Variants in SNTG1 observed in about 807,000 individuals in gnomAD.
The protein encoded by SNTG1 is syntrophin gamma 1.
Under a neutral mutation model 74.7 loss-of-function variants are expected in SNTG1, and 39 were observed. The ratio of observed to expected loss-of-function variants is 0.52; its 90% CI spans 0.40 to 0.68. SNTG1 has a LOEUF of 0.68. Among genes scored for constraint, SNTG1 ranks in the 30% least tolerant of loss-of-function variants. The pLI, the probability that SNTG1 is intolerant of heterozygous loss-of-function variation, is 0.00. For missense variants in SNTG1, 685 were observed against 609.5 expected (o/e 1.12, Z -1.30); for synonymous variants, 254 against 217.1 (o/e 1.17, Z -1.49).
intron 2 of SNTG1, among the ~76,000 whole-genome samples, chr8:50,218,555 G>GT (rs57611150): frequency 0.023 from 3,492 of 148,878 alleles, 137 homozygotes; most frequent in African/African-American, 0.073. Context: ...TTTTTTCTAT[G>GT]TTTTTTTTTC....
intron 4 of SNTG1, among the ~76,000 whole-genome samples, chr8:50,432,719 A>G (rs1462406234): frequency 6.6e-5 from 10 of 151,878 alleles, no homozygotes; most frequent in Admixed American, 6.6e-4. Context: ...TATAAATCCT[A>G]TTAGTATTAT....
intron 9 of SNTG1, among the ~76,000 whole-genome samples, chr8:50,523,595 T>C (rs772252440): frequency 2.0e-5 from 3 of 152,170 alleles, no homozygotes; most frequent in Non-Finnish European, 4.4e-5. Flanking sequence ...TCAGAACACA[T>C]ACAACATTTA....
intron 2 of SNTG1, among the ~76,000 whole-genome samples, chr8:50,277,552 G>A (rs1052642621): frequency 6.6e-6 from 1 of 152,064 alleles, no homozygotes; most frequent in African/African-American, 2.4e-5. Context: ...CTATTTGGCT[G>A]ATAGTTGTTA....
rs543141443 is a variant in SNTG1 at position 50,104,751 on chromosome 8, T to C, written c.-102-67810T>C. Among the ~76,000 whole-genome samples the C allele has an allele frequency of 2.6e-5, 4 of 152,336 alleles. No individual in the cohort carries two copies. The East Asian group carries it at 7.7e-4, about 29-fold the overall frequency. ...TGCTTTGAATGTGTCCCACAGATTCTGGTATGTTGTGTCTTTGTTCTTGTT... is the reference window on the plus strand; with the variant it reads ...TGCTTTGAATGTGTCCCACAGATTCCGGTATGTTGTGTCTTTGTTCTTGTT... On this transcript the variant is annotated intron_variant, in intron 1 of 18. Transcript: ENST00000642720.
At chr8:49,944,744 T>C (rs1204249327) in intron 1 of SNTG1, among the ~76,000 whole-genome samples, 1 of 151,290 alleles carries the variant, frequency 6.6e-6, no homozygotes, top group Non-Finnish European at 1.5e-5. Context: ...AAAATCCATG[T>C]AACGTCTACT....
intron 12 of SNTG1, among the ~76,000 whole-genome samples, chr8:50,573,088 T>C (rs1554578005): frequency 6.6e-6 from 1 of 152,120 alleles, no homozygotes. Flanking sequence ...AGATCTTTGA[T>C]TAAACTGGCA....
rs372624611 is a variant in SNTG1 at position 49,960,761 on chromosome 8, CA to C, written c.-103+48533del. On this transcript the variant is annotated intron_variant, in intron 1 of 18. Coordinates refer to ENST00000642720, the MANE Select transcript of SNTG1 (RefSeq NM_018967.5). ...CTTGTTCCAACTCTGTGGTGCCACT[CA>C]AAGCCCATGTGACTCTCTGAGTCTG... Among the ~76,000 whole-genome samples the C allele has an allele frequency of 3.5e-4, 54 of 152,214 alleles. 1 individual carries two copies. The East Asian group carries it at 6.0e-3, about 17-fold the overall frequency.
intron 2 of SNTG1, among the ~76,000 whole-genome samples, chr8:50,343,025 A>C (rs2091363927): frequency 6.6e-6 from 1 of 152,212 alleles, no homozygotes; most frequent in Non-Finnish European, 1.5e-5. Context: ...AGGAAACAAA[A>C]TTGGGATCAA....
chr8:50,745,088 G>A (rs2095552240), intron 17 of SNTG1, among the ~76,000 whole-genome samples: 1 of 151,926 alleles, frequency 6.6e-6, no homozygotes, highest in African/African-American at 2.4e-5. Flanking sequence ...GTACATCAAA[G>A]GGTACTACAA....
chr8:50,267,937 G>T (rs1303569213), intron 2 of SNTG1, among the ~76,000 whole-genome samples: 1 of 152,122 alleles, frequency 6.6e-6, no homozygotes, highest in Non-Finnish European at 1.5e-5. Flanking sequence ...GTACTAGAAG[G>T]TAAAGTCACA....
chr8:50,255,027 GA>G (rs1459015160), intron 2 of SNTG1, among the ~76,000 whole-genome samples: 1 of 126,014 alleles, frequency 7.9e-6, no homozygotes, highest in Non-Finnish European at 1.6e-5. Flanking sequence ...ACTTCAATCT[GA>G]ATTGTAGCCT....
At chr8:50,035,675 A>G (rs1485984476) in intron 1 of SNTG1, among the ~76,000 whole-genome samples, 2 of 152,150 alleles carry the variant, frequency 1.3e-5, no homozygotes, top group Non-Finnish European at 2.9e-5. Context: ...CAGGCAAAGA[A>G]AAGACTCCCC....
chr8:50,305,501 G>A (rs577670323), intron 2 of SNTG1, among the ~76,000 whole-genome samples: 30 of 144,502 alleles, frequency 2.1e-4, no homozygotes, highest in African/African-American at 7.8e-4. Context: ...AAAGTTCTGT[G>A]GATGTTTGGT....
intron 8 of SNTG1, among the ~76,000 whole-genome samples, chr8:50,450,947 T>C (rs1478191510): frequency 2.0e-5 from 3 of 152,232 alleles, no homozygotes; most frequent in Admixed American, 1.3e-4. Flanking sequence ...TACTTAAAGA[T>C]GGTCATTTTC....
chr8:50,762,568 A>G (rs1282664264), intron 18 of SNTG1: 4 of 371,948 alleles, frequency 1.1e-5, no homozygotes, highest in Admixed American at 5.9e-5. Flanking sequence ...TTTTTGTTCC[A>G]AGGATGTGCT....
chr8:50,449,510 C>T (rs933614981), intron 5 of SNTG1, among the ~76,000 whole-genome samples, 158 bp from the exon 6 acceptor site: 1 of 152,198 alleles, frequency 6.6e-6, no homozygotes, highest in Admixed American at 6.5e-5. Flanking sequence ...AGATAATTTT[C>T]ATGGGAGCAC....
chr8:50,583,191 C>G (rs1374496061), intron 12 of SNTG1, among the ~76,000 whole-genome samples: 1 of 151,512 alleles, frequency 6.6e-6, no homozygotes, highest in Non-Finnish European at 1.5e-5. Context: ...TCACCTGAGG[C>G]CAGGAGTTCG....
At chr8:50,106,566 C>G (rs913517310) in intron 1 of SNTG1, among the ~76,000 whole-genome samples, 15 of 152,130 alleles carry the variant, frequency 9.9e-5, no homozygotes, top group African/African-American at 3.1e-4. Flanking sequence ...TGGCTCTTCT[C>G]ATTTTGAGGT....
chr8:49,914,456 T>C (rs908307005), intron 1 of SNTG1, among the ~76,000 whole-genome samples: 14 of 152,016 alleles, frequency 9.2e-5, no homozygotes, highest in Non-Finnish European at 1.9e-4. Context: ...TGGGATTACA[T>C]AATCTAGAAA....
Sources: allele counts gnomAD v4.1 joint callset (sites outside exome capture counted in the v4.1 genomes callset), GRCh38; gene constraint gnomAD v4.1.1; transcripts MANE v1.5; gene names NCBI Gene and HGNC (gene_info 2026-07-23, HGNC 2026-07-21).